The following RTN4RL2 variants were observed in gnomAD, a reference collection of about 807,000 sequenced individuals.
RTN4RL2 encodes the protein reticulon 4 receptor like 2.
RTN4RL2 carries 9 observed loss-of-function variants against 27.8 expected under a neutral mutation model. The ratio of observed to expected loss-of-function variants is 0.32; its 90% CI spans 0.20 to 0.57. The LOEUF is 0.57. Ranked by LOEUF, RTN4RL2 falls within the 20% of genes least tolerant of loss-of-function variation. RTN4RL2 has a pLI of 0.90. For synonymous variants in RTN4RL2, 285 were observed against 297.9 expected (o/e 0.96, Z 0.45); for missense variants, 436 against 596.8 (o/e 0.73, Z 2.81).
At chr11:57,470,625 T>G (rs1036743754) in intron 2 of RTN4RL2, among the ~76,000 whole-genome samples, 13 of 151,620 alleles carry the variant, frequency 8.6e-5, no homozygotes, top group Non-Finnish European at 1.9e-4. Flanking sequence ...TGTAAGGCAT[T>G]TAGCACATAT....
rs1943478190 is a variant in RTN4RL2, at chr11:57,460,874, C to T, written c.9C>T (p.Pro3=). ML[P]GLRRLLQAPA... ...CCGAGCATCGAGACAAGATGCTGCC[C>T]GGGCTCAGGCGCCTGCTGCAAGGTA... is the stretch of plus-strand genomic sequence containing the variant. The change falls in exon 1 of 3, where the codon CCC becomes CCT. Residue 3 remains proline, a synonymous_variant. Coordinates refer to ENST00000335099, the MANE Select transcript of RTN4RL2 (RefSeq NM_178570.3). 1.4e-6 allele frequency: 2 copies of T among 1,406,740 alleles called. No homozygotes were observed. Among genetic ancestry groups the T allele is most frequent in the African/African-American group, 1.5e-5 (1 of 67,200 alleles). The allele number at this position is 1,406,740 out of a possible 1,614,324, so 87.1% of individuals were successfully genotyped here.
Position 57,467,842 on chromosome 11 carries a change from C to T in RTN4RL2, c.265C>T (p.Leu89Phe). Residue 89 changes from leucine (L) to phenylalanine (F), a missense_variant, in exon 2 of 3, where the codon CTC (leucine) becomes TTC (phenylalanine). Physicochemically the swap from Leu to Phe is conservative, Grantham distance 22 (BLOSUM62 0). Coordinates refer to ENST00000335099, the MANE Select transcript of RTN4RL2 (RefSeq NM_178570.3). The surrounding 1 kb of genome is among the most constrained non-coding windows in gnomAD (Gnocchi z 5.5). ...TFGSNLLTLWLFSNNLSTIYP... is the reference protein window; with the variant it reads ...TFGSNLLTLWFFSNNLSTIYP... The stretch of plus-strand genomic sequence containing the variant: ...TGGGTCCAACCTGCTCACCCTGTGG[C>T]TCTTCTCCAACAACCTCTCCACCAT... The T allele has an allele frequency of 1.9e-6, 3 of 1,614,238 alleles. No individual in the cohort carries two copies. The highest frequency in any genetic ancestry group is 2.5e-6 in the Non-Finnish European group (3 of 1,180,038).
In RTN4RL2 at chr11:57,461,127, G is replaced by C. The variant is rs1054560332; in HGVS notation, c.31+231G>C. On this transcript the variant is annotated intron_variant, in intron 1 of 2. Transcript: ENST00000335099. ...AGCTCGTGACCGAGGTGGGACGCAG[G>C]GGGCAGGTGGACCCGGCCCGGAGCG... is the stretch of plus-strand genomic sequence containing the variant. Among the ~76,000 whole-genome samples the C allele has an allele frequency of 5.3e-5, 8 of 152,146 alleles. 1 individual carries two copies. The highest frequency in any genetic ancestry group is 1.0e-4 in the Non-Finnish European group (7 of 68,028).
At chr11:57,471,113 G>A (rs1943560450) in intron 2 of RTN4RL2, among the ~76,000 whole-genome samples, 1 of 152,050 alleles carries the variant, frequency 6.6e-6, no homozygotes, top group South Asian at 2.1e-4. Context: ...GCAGGTGTCT[G>A]TAATCCCAGC....
chr11:57,468,858 G>GTTA (rs1218538912), intron 2 of RTN4RL2: 5 of 927,718 alleles, frequency 5.4e-6, no homozygotes, highest in Non-Finnish European at 8.5e-6. Context: ...GTTATTCATT[G>GTTA]TTATTATTAT....
chr11:57,467,896 G>A lies in RTN4RL2; in HGVS notation c.319G>A (p.Ala107Thr), dbSNP rs775249469. The A allele has an allele frequency of 6.2e-7, 1 of 1,614,068 alleles. No individual in the cohort carries two copies. The change falls in exon 2 of 3, where the codon GCC becomes ACC. Residue 107 changes from alanine (A) to threonine (T), a missense_variant. Coordinates refer to ENST00000335099, the MANE Select transcript of RTN4RL2 (RefSeq NM_178570.3). The surrounding 1 kb of genome is among the most constrained non-coding windows in gnomAD (Gnocchi z 5.5). ...IYPGTFRHLQ[A>T]LEELDLGDNR... The stretch of plus-strand genomic sequence containing the variant: ...CCCGGGCACTTTCCGCCACTTGCAA[G>A]CCCTGGAGGAGCTGGACCTCGGTGA...
chr11:57,474,682 C>T (rs907556291), intron 2 of RTN4RL2, among the ~76,000 whole-genome samples: 1 of 152,230 alleles, frequency 6.6e-6, no homozygotes, highest in Non-Finnish European at 1.5e-5. Context: ...AGCCCCAGTG[C>T]TCTCCTCTAA....
chr11:57,472,340 G>C (rs551111293), intron 2 of RTN4RL2, among the ~76,000 whole-genome samples: 1 of 151,994 alleles, frequency 6.6e-6, no homozygotes, highest in Admixed American at 6.6e-5. Flanking sequence ...AGCCTCCCCA[G>C]TAGCTGGAAC....
chr11:57,461,734 T>C (rs998374712), intron 1 of RTN4RL2, among the ~76,000 whole-genome samples: 1 of 150,850 alleles, frequency 6.6e-6, no homozygotes, highest in Non-Finnish European at 1.5e-5. Context: ...GGGACTGGAA[T>C]GGAAAAGGAG....
chr11:57,475,371 T>C (rs1213102532), intron 2 of RTN4RL2, among the ~76,000 whole-genome samples: 1 of 152,102 alleles, frequency 6.6e-6, no homozygotes, highest in Non-Finnish European at 1.5e-5. Flanking sequence ...GCTGGGCACG[T>C]GTCCAGCACT....
At chr11:57,464,295 C>T (rs560469555) in intron 1 of RTN4RL2, among the ~76,000 whole-genome samples, 4 of 152,160 alleles carry the variant, frequency 2.6e-5, no homozygotes, top group African/African-American at 9.7e-5. Flanking sequence ...CCCTCAAGGC[C>T]GGAAGGAACC....
chr11:57,468,128 G>C, intron 2 of RTN4RL2, 38 bp downstream of exon 2: 4 of 1,547,424 alleles, frequency 2.6e-6, no homozygotes, highest in Non-Finnish European at 3.5e-6. Context: ...CCCCTTTCTG[G>C]TTTCCTCTCT....
chr11:57,470,100 C>G (rs1027241196), intron 2 of RTN4RL2, among the ~76,000 whole-genome samples: 1 of 152,174 alleles, frequency 6.6e-6, no homozygotes, highest in Non-Finnish European at 1.5e-5. Flanking sequence ...TACAATTGAG[C>G]AGGCTCATTT....
Position 57,476,595 on chromosome 11 carries a change from C to T in RTN4RL2, c.947C>T (p.Thr316Met), listed in dbSNP as rs974003404. ...DFQACPPAAPTRPGSRARGNS... is the reference protein window; with the variant it reads ...DFQACPPAAPMRPGSRARGNS... ...CAGGCGTGTCCGCCCGCGGCACCCA[C>T]GCGGCCGGGCAGCCGCGCCCGCGGC... Residue 316 changes from threonine to methionine, a missense_variant, in exon 3 of 3, where the codon ACG (threonine) becomes ATG (methionine). Physicochemically the swap from Thr to Met is moderately conservative, Grantham distance 81 (BLOSUM62 -1). Transcript: ENST00000335099. This position sits in a 1 kb window ranked among gnomAD's most constrained non-coding sequence, Gnocchi z 8.2. 19 of 1,399,940 alleles carry T rather than the reference C, an allele frequency of 1.4e-5. No homozygotes were observed. Among genetic ancestry groups the T allele is most frequent in the East Asian group, 3.0e-5 (1 of 33,666 alleles). 86.7% of individuals were successfully genotyped at this position (1,399,940 alleles called of 1,614,324 possible). A position where few individuals can be genotyped will look rare whatever the true frequency, so the allele number is the denominator to read the frequency against.
At chr11:57,472,746 A>G (rs1249326702) in intron 2 of RTN4RL2, among the ~76,000 whole-genome samples, 1 of 152,246 alleles carries the variant, frequency 6.6e-6, no homozygotes, top group Non-Finnish European at 1.5e-5. Context: ...TGAGTATCCA[A>G]TGAATGGTAG....
rs1274885729 is a variant in RTN4RL2 at position 57,467,449 on chromosome 11, A to G, written c.32-160A>G. Among the ~76,000 whole-genome samples the G allele has an allele frequency of 6.6e-6, 1 of 151,890 alleles. No individual in the cohort carries two copies. On this transcript the variant is annotated intron_variant, in intron 1 of 2. Coordinates refer to ENST00000335099, the MANE Select transcript of RTN4RL2 (RefSeq NM_178570.3). This position sits in a 1 kb window ranked among gnomAD's most constrained non-coding sequence, Gnocchi z 5.5. ...GGATAGTCTCAAACTCCTGGCCTCA[A>G]GCAATCCTCCTGCCTTGGCCTCCCA...
At position 57,476,680 on chromosome 11, in the gene RTN4RL2, C is replaced by T; in HGVS notation, c.1032C>T (p.Pro344=). 3 of 1,435,450 alleles carry T rather than the reference C, an allele frequency of 2.1e-6. No individual in the cohort carries two copies. Among genetic ancestry groups the T allele is most frequent in the Non-Finnish European group, 2.7e-6 (3 of 1,104,074 alleles). The allele number at this position is 1,435,450 out of a possible 1,614,324, so 88.9% of individuals were successfully genotyped here. The change falls in exon 3 of 3, where the codon CCC becomes CCT. Residue 344 remains proline, a synonymous_variant. Transcript: ENST00000335099. This position sits in a 1 kb window ranked among gnomAD's most constrained non-coding sequence, Gnocchi z 8.2. ...AGGCCGGGGCGCCCCCAGCCGATCC[C>T]TCCACCCTCTACCGAGATCTGCCTG... The part of the protein sequence containing the change: ...VAEAGAPPAD[P]STLYRDLPAE...
At chr11:57,468,602 C>A (rs1450932617) in intron 2 of RTN4RL2, 2 of 1,536,742 alleles carry the variant, frequency 1.3e-6, no homozygotes, top group Non-Finnish European at 1.7e-6. Context: ...TTTTCTCACC[C>A]ACCCTCAAGT....
chr11:57,476,818 C>A lies in RTN4RL2; in HGVS notation c.1170C>A (p.Cys390Ter). ...AGCAGATGTGCCCCGGCGCTGCCTG[C>A]CAGGCGCCCCCGGACTCCCGAGGCC... ...RGEQMCPGAA[C>*]QAPPDSRGPA... is the part of the protein sequence containing the mutation. The change falls in exon 3 of 3, where the codon TGC becomes TGA. Residue 390 changes from cysteine (C) to a stop codon, truncating the protein, a stop_gained. Coordinates refer to ENST00000335099, the MANE Select transcript of RTN4RL2 (RefSeq NM_178570.3). LOFTEE classifies it high-confidence loss of function. This position sits in a 1 kb window ranked among gnomAD's most constrained non-coding sequence, Gnocchi z 8.2. 6.5e-7 allele frequency: 1 copy of A among 1,547,790 alleles called. No individual in the cohort carries two copies. The highest frequency in any genetic ancestry group is 1.9e-5 in the Admixed American group (1 of 51,776).
Sources: allele counts gnomAD v4.1 joint callset (sites outside exome capture counted in the v4.1 genomes callset), GRCh38; gene constraint gnomAD v4.1.1; non-coding constraint Gnocchi (gnomAD v3.1); transcripts MANE v1.5; gene names NCBI Gene and HGNC (gene_info 2026-07-23, HGNC 2026-07-21).